The following LARP1B variants were observed in gnomAD, a reference collection of about 807,000 sequenced individuals.
LARP1B encodes the protein La ribonucleoprotein 1B.
A neutral mutation model predicts 114.2 loss-of-function variants in LARP1B; 76 were observed. That is an observed-to-expected ratio of 0.67 (90% CI 0.55 to 0.81). The LOEUF (loss-of-function observed/expected upper bound fraction) is 0.81. LARP1B is among the 30% of genes least tolerant of loss of function. The pLI, the probability that LARP1B is intolerant of heterozygous loss-of-function variation, is 0.00. For synonymous variants in LARP1B, 345 were observed against 348.0 expected (o/e 0.99, Z 0.10); for missense variants, 1,014 against 1,075.8 (o/e 0.94, Z 0.80).
At chr4:128,152,700 G>A (rs534959005) in intron 11 of LARP1B, among the ~76,000 whole-genome samples, 1 of 150,872 alleles carries the variant, frequency 6.6e-6, no homozygotes, top group South Asian at 2.1e-4. Context: ...TCCCTTTTTA[G>A]TGATAGTATG....
intron 11 of LARP1B, among the ~76,000 whole-genome samples, chr4:128,140,726 G>A (rs752757702): frequency 1.3e-5 from 2 of 152,016 alleles, no homozygotes; most frequent in African/African-American, 2.4e-5. Context: ...AGGGGGATGG[G>A]TAGTACAAAA....
chr4:128,124,234 A>G (rs1788883708), intron 11 of LARP1B, among the ~76,000 whole-genome samples: 1 of 152,216 alleles, frequency 6.6e-6, no homozygotes, highest in Non-Finnish European at 1.5e-5. Flanking sequence ...TAAACCCACA[A>G]TAAGTACTTA....
At chr4:128,160,275 A>G (rs1388305151) in intron 11 of LARP1B, among the ~76,000 whole-genome samples, 1 of 152,214 alleles carries the variant, frequency 6.6e-6, no homozygotes, top group African/African-American at 2.4e-5. Flanking sequence ...GATCAGTCTC[A>G]TAAACATAAT....
chr4:128,093,131 C>A, intron 7 of LARP1B: 1 of 682,634 alleles, frequency 1.5e-6, no homozygotes. Context: ...GGGATTTTGG[C>A]AAATGTTAGT....
chr4:128,098,146 C>A (rs768553183), intron 7 of LARP1B, 40 bp from the exon 8 acceptor site: 1 of 1,455,598 alleles, frequency 6.9e-7, no homozygotes, highest in South Asian at 1.2e-5. Flanking sequence ...TATTTATTTC[C>A]TACTAAATAA....
intron 17 of LARP1B, among the ~76,000 whole-genome samples, chr4:128,205,781 A>G (rs898866435): frequency 1.3e-5 from 2 of 152,192 alleles, no homozygotes; most frequent in African/African-American, 4.8e-5. Context: ...GGTTTGGGGA[A>G]AATCTAACAC....
intron 9 of LARP1B, among the ~76,000 whole-genome samples, chr4:128,112,677 T>G (rs997472985): frequency 6.6e-6 from 1 of 151,680 alleles, no homozygotes; most frequent in Non-Finnish European, 1.5e-5. Flanking sequence ...TTTTGCCATG[T>G]TGGTCAGGCT....
intron 7 of LARP1B, among the ~76,000 whole-genome samples, chr4:128,094,493 C>T (rs781611469): frequency 5.3e-5 from 8 of 150,890 alleles, no homozygotes; most frequent in South Asian, 2.1e-4. Flanking sequence ...CTCTGCCTCC[C>T]GGGTTCAAGT....
intron 11 of LARP1B, 129 bp from the exon 12 acceptor site, chr4:128,162,065 A>G: frequency 1.4e-6 from 1 of 722,540 alleles, no homozygotes; most frequent in South Asian, 2.1e-5. Context: ...CTTTATTAGA[A>G]CGTCTTTTTC....
intron 9 of LARP1B, among the ~76,000 whole-genome samples, chr4:128,114,161 T>C (rs1371231347): frequency 6.6e-6 from 1 of 152,216 alleles, no homozygotes; most frequent in Admixed American, 6.5e-5. Flanking sequence ...AGACTAATTT[T>C]ACCTTGAATA....
At chr4:128,080,259 A>T (rs1312989649) in intron 4 of LARP1B, among the ~76,000 whole-genome samples, 1 of 152,114 alleles carries the variant, frequency 6.6e-6, no homozygotes, top group Non-Finnish European at 1.5e-5. Context: ...CTGGGATTAC[A>T]GGCGTGAGCC....
rs1771098245 is a variant in LARP1B, at chr4:128,082,873, T to C, written c.358+568T>C. ...TGGGTGTTTCTCGCAGAGGGGGATT[T>C]GGCAGGGTCATAGGACAATAGTGGA... On this transcript the variant is annotated intron_variant, in intron 5 of 19. Transcript: ENST00000326639. 3.3e-5 allele frequency among the ~76,000 whole-genome samples: 5 copies of C among 151,320 alleles called. No homozygotes were observed. In the South Asian group the frequency reaches 1.1e-3, roughly 32 times the overall value.
chr4:128,201,403 A>G (rs1755888510), intron 17 of LARP1B, among the ~76,000 whole-genome samples: 1 of 152,200 alleles, frequency 6.6e-6, no homozygotes, highest in Non-Finnish European at 1.5e-5. Flanking sequence ...GTACATATAC[A>G]TACCCCAATT....
intron 12 of LARP1B, 87 bp downstream of exon 12, chr4:128,162,404 A>C (rs1178933444): frequency 1.7e-6 from 2 of 1,209,568 alleles, no homozygotes; most frequent in Non-Finnish European, 2.3e-6. Flanking sequence ...TTTTTTCTTT[A>C]TTTGTGGAAA....
chr4:128,156,022 C>A (rs558655209), intron 11 of LARP1B: 3 of 1,569,412 alleles, frequency 1.9e-6, no homozygotes, highest in African/African-American at 1.3e-5. Context: ...TGTGCTTGAA[C>A]CTGCGGCACT....
At position 128,211,125 on chromosome 4, in the gene LARP1B, T is replaced by C. The variant is rs1758905633; in HGVS notation, c.*1072T>C. 1 of 899,796 alleles carries C rather than the reference T, an allele frequency of 1.1e-6. No individual in the cohort carries two copies. Among genetic ancestry groups the C allele is most frequent in the Non-Finnish European group, 1.3e-6 (1 of 752,170 alleles). 55.7% of individuals were successfully genotyped at this position (899,796 alleles called of 1,614,324 possible). A position where few individuals can be genotyped will look rare whatever the true frequency, so the allele number is the denominator to read the frequency against. On this transcript the variant is annotated 3_prime_UTR_variant, in exon 20 of 20. Coordinates refer to ENST00000326639, the MANE Select transcript of LARP1B (RefSeq NM_018078.4). Reference sequence around the variant, plus strand: ...TGTGAGATTTAAAAAAATAAAGCACTTATTCTGAATTTTTTGAATTGATTT... The same window carrying C: ...TGTGAGATTTAAAAAAATAAAGCACCTATTCTGAATTTTTTGAATTGATTT...
At chr4:128,099,877 T>A (rs907366027) in intron 8 of LARP1B, among the ~76,000 whole-genome samples, 5 of 152,210 alleles carry the variant, frequency 3.3e-5, no homozygotes, top group Non-Finnish European at 5.9e-5. Flanking sequence ...TCTATAGGAC[T>A]TGTTCCTCAG....
intron 11 of LARP1B, among the ~76,000 whole-genome samples, chr4:128,138,474 TG>T (rs1369823227): frequency 2.6e-5 from 4 of 152,202 alleles, no homozygotes; most frequent in Admixed American, 2.0e-4. Context: ...TTTTTATGAT[TG>T]GAATGAATAA....
At chr4:128,194,682 C>CAAA (rs56843140) in intron 15 of LARP1B, among the ~76,000 whole-genome samples, 3 of 25,902 alleles carry the variant, frequency 1.2e-4, no homozygotes, top group African/African-American at 1.8e-4. Flanking sequence ...GACTCTGTCT[C>CAAA]AAAAAAAAAA....
Sources: gnomAD v4.1 joint callset for allele counts (sites outside exome capture counted in the v4.1 genomes callset) on GRCh38, gnomAD v4.1.1 for gene constraint, MANE v1.5 for transcripts, NCBI Gene and HGNC (gene_info 2026-07-23, HGNC 2026-07-21) for gene names.